The following CDH8 variants were observed in gnomAD, a reference collection of about 807,000 sequenced individuals.
CDH8 encodes the protein cadherin-8.
A neutral mutation model predicts 68.1 loss-of-function variants in CDH8; 17 were observed. That is an observed-to-expected ratio of 0.25 (90% CI 0.17 to 0.37). The LOEUF is 0.37. Ranked by LOEUF, CDH8 falls within the 10% of genes least tolerant of loss-of-function variation. CDH8 has a pLI of 1.00. For synonymous variants in CDH8, 372 were observed against 365.1 expected (o/e 1.02, Z -0.21); for missense variants, 763 against 999.3 (o/e 0.76, Z 3.19).
chr16:62,004,777 G>T (rs567124772), intron 2 of CDH8, among the ~76,000 whole-genome samples: 7 of 152,140 alleles, frequency 4.6e-5, no homozygotes, highest in African/African-American at 1.7e-4. Flanking sequence ...TTCAAATTAA[G>T]TATCTGCATT....
At chr16:61,810,088 T>C (rs1387544411) in intron 7 of CDH8, among the ~76,000 whole-genome samples, 2 of 152,194 alleles carry the variant, frequency 1.3e-5, no homozygotes, top group East Asian at 1.9e-4. Flanking sequence ...GAAGATACAA[T>C]TGTGAGCCAA....
At chr16:61,951,275 G>A (rs1385921094) in intron 2 of CDH8, among the ~76,000 whole-genome samples, 1 of 152,066 alleles carries the variant, frequency 6.6e-6, no homozygotes, top group Non-Finnish European at 1.5e-5. Context: ...ACTTTGGGAG[G>A]CTGAGGCAGG....
At chr16:61,855,130 A>C (rs2043126658) in intron 4 of CDH8, among the ~76,000 whole-genome samples, 1 of 152,150 alleles carries the variant, frequency 6.6e-6, no homozygotes, top group African/African-American at 2.4e-5. Flanking sequence ...CCATTACACT[A>C]TCCACGATAA....
intron 10 of CDH8, among the ~76,000 whole-genome samples, chr16:61,699,467 C>T (rs557455825): frequency 3.4e-4 from 52 of 152,294 alleles, no homozygotes; most frequent in African/African-American, 1.2e-3. Context: ...ATGATGGCTG[C>T]CTTTGCTTCC....
intron 3 of CDH8, among the ~76,000 whole-genome samples, chr16:61,863,481 A>G (rs552910123): frequency 9.2e-5 from 14 of 152,270 alleles, no homozygotes; most frequent in Non-Finnish European, 1.5e-4. Flanking sequence ...TAGCGAGGCT[A>G]TACTTTTTTT....
At position 61,713,825 on chromosome 16, in the gene CDH8, A is replaced by G; in HGVS notation, c.1654+16T>C. Reference sequence around the variant, plus strand: ...AATTTATATTGTACTCTGTTTCACAAAGCTAATATATTTACCTTCATTTTT... The same window carrying G: ...AATTTATATTGTACTCTGTTTCACAGAGCTAATATATTTACCTTCATTTTT... On this transcript the variant is annotated intron_variant, in intron 10 of 11. Coordinates refer to ENST00000577390, the MANE Select transcript of CDH8 (RefSeq NM_001796.5). 1.6e-6 allele frequency: 2 copies of G among 1,281,228 alleles called. No individual in the cohort carries two copies. Among genetic ancestry groups the G allele is most frequent in the Non-Finnish European group, 2.3e-6 (2 of 879,320 alleles). The allele number at this position is 1,281,228 out of a possible 1,614,324, so 79.4% of individuals were successfully genotyped here. A position where few individuals can be genotyped will look rare whatever the true frequency, so the allele number is the denominator to read the frequency against.
intron 8 of CDH8, among the ~76,000 whole-genome samples, chr16:61,782,379 A>T (rs1408713190): frequency 6.6e-6 from 1 of 152,032 alleles, no homozygotes; most frequent in Non-Finnish European, 1.5e-5. Context: ...CGCTTTTCAG[A>T]CCGGCTTAAA....
At chr16:61,820,314 GTTTTTTTTTT>G (rs545670875) in intron 6 of CDH8, among the ~76,000 whole-genome samples, 1 of 90,776 alleles carries the variant, frequency 1.1e-5, no homozygotes. Flanking sequence ...TGCCTGTTTG[GTTTTTTTTTT>G]TTTTTTTTTT....
chr16:61,978,975 AT>A (rs5817328), intron 2 of CDH8, among the ~76,000 whole-genome samples: 19 of 150,766 alleles, frequency 1.3e-4, no homozygotes, highest in African/African-American at 3.2e-4. Flanking sequence ...AAAATGAGCC[AT>A]TTTTTTTCCC....
chr16:61,743,927 A>G (rs570891560), intron 8 of CDH8, among the ~76,000 whole-genome samples: 35 of 152,120 alleles, frequency 2.3e-4, no homozygotes, highest in Non-Finnish European at 3.7e-4. Context: ...TGGGTTATTT[A>G]GAAGTGTGTG....
intron 9 of CDH8, among the ~76,000 whole-genome samples, chr16:61,721,692 C>A (rs771843869): frequency 6.6e-6 from 1 of 150,710 alleles, no homozygotes; most frequent in Non-Finnish European, 1.5e-5. Context: ...CTCATATTCT[C>A]ATGATTATTT....
intron 4 of CDH8, among the ~76,000 whole-genome samples, chr16:61,855,368 C>T (rs142336268): frequency 1.8e-4 from 27 of 152,234 alleles, no homozygotes; most frequent in African/African-American, 6.3e-4. Flanking sequence ...ATTATTTATA[C>T]CTCATAGTAA....
intron 3 of CDH8, among the ~76,000 whole-genome samples, chr16:61,857,863 A>G (rs1342466772): frequency 2.0e-5 from 3 of 152,146 alleles, no homozygotes; most frequent in African/African-American, 7.2e-5. Context: ...GAGTATATAT[A>G]TAAAAATATA....
Position 61,871,815 on chromosome 16 carries a change from C to CAAAA in CDH8, c.548-14581_548-14578dup, listed in dbSNP as rs144379377. Among the ~76,000 whole-genome samples, 250 of 43,352 alleles carry CAAAA rather than the reference C, an allele frequency of 5.8e-3. 14 individuals are homozygous for CAAAA. Among genetic ancestry groups the CAAAA allele is most frequent in the Non-Finnish European group, 6.0e-3 (149 of 24,836 alleles). 28.4% of individuals were successfully genotyped at this position (43,352 alleles called of 152,430 possible). A position where few individuals can be genotyped will look rare whatever the true frequency, so the allele number is the denominator to read the frequency against. On this transcript the variant is annotated intron_variant, in intron 3 of 11. Transcript: ENST00000577390. ...TTGCTATGCTCTATTGTTCTATATGCAAAAAAAAAAAAAAAAAAAAAAAAA... is the reference window on the plus strand; with the variant it reads ...TTGCTATGCTCTATTGTTCTATATGCAAAAAAAAAAAAAAAAAAAAAAAAAAAAA...
At chr16:61,966,022 A>T (rs769736677) in intron 2 of CDH8, among the ~76,000 whole-genome samples, 8 of 152,144 alleles carry the variant, frequency 5.3e-5, no homozygotes, top group Non-Finnish European at 8.8e-5. Flanking sequence ...GGATGAAAAT[A>T]AAAAAATGCT....
chr16:61,921,113 G>C (rs1235649927), intron 2 of CDH8, among the ~76,000 whole-genome samples: 1 of 113,512 alleles, frequency 8.8e-6, no homozygotes, highest in Non-Finnish European at 1.8e-5. Flanking sequence ...GTGGGGTGGG[G>C]GGAGGGGGGA....
chr16:61,735,743 C>T (rs772567785), intron 8 of CDH8, among the ~76,000 whole-genome samples: 5 of 152,126 alleles, frequency 3.3e-5, no homozygotes, highest in South Asian at 4.1e-4. Flanking sequence ...AATTATCTTT[C>T]GCCTTTAAAA....
At chr16:61,772,647 C>G (rs1348567487) in intron 8 of CDH8, among the ~76,000 whole-genome samples, 1 of 151,978 alleles carries the variant, frequency 6.6e-6, no homozygotes, top group Non-Finnish European at 1.5e-5. Context: ...TAGTTTTAAC[C>G]AGATGCCAAT....
chr16:61,904,701 G>C (rs772914780), intron 2 of CDH8, among the ~76,000 whole-genome samples: 1 of 152,126 alleles, frequency 6.6e-6, no homozygotes, highest in Non-Finnish European at 1.5e-5. Flanking sequence ...GTGTGATAAG[G>C]GCTATGTGAA....
Sources: gnomAD v4.1 joint callset for allele counts (sites outside exome capture counted in the v4.1 genomes callset) on GRCh38, gnomAD v4.1.1 for gene constraint, MANE v1.5 for transcripts, NCBI Gene and HGNC (gene_info 2026-07-23, HGNC 2026-07-21) for gene names.